Variants in PTPN9 observed in about 807,000 individuals in gnomAD.
PTPN9 encodes the protein protein tyrosine phosphatase non-receptor type 9.
In PTPN9, 26 loss-of-function variants were observed where a neutral mutation model predicts 69.8. The ratio of observed to expected loss-of-function variants is 0.37; its 90% CI spans 0.27 to 0.52. PTPN9 has a LOEUF of 0.52. PTPN9 is among the 20% of genes least tolerant of loss of function. PTPN9 has a pLI of 0.91. For missense variants in PTPN9, 549 were observed against 740.3 expected (o/e 0.74, Z 3.00); for synonymous variants, 274 against 272.5 (o/e 1.01, Z -0.05).
chr15:75,560,345 C>T (rs1015620530), intron 1 of PTPN9, among the ~76,000 whole-genome samples: 1 of 152,126 alleles, frequency 6.6e-6, no homozygotes, highest in African/African-American at 2.4e-5. Flanking sequence ...GGCTACACCA[C>T]TTCTAAGTCC....
At chr15:75,473,811 CT>C (rs1350069826) in intron 9 of PTPN9, 44 bp from the exon 10 acceptor site, 1 of 1,466,054 alleles carries the variant, frequency 6.8e-7, no homozygotes, top group Non-Finnish European at 9.5e-7. Context: ...CTGGGAAACA[CT>C]TTTTTTCTTT....
chr15:75,534,082 C>T (rs913173103), intron 1 of PTPN9, among the ~76,000 whole-genome samples: 1 of 152,182 alleles, frequency 6.6e-6, no homozygotes, highest in Non-Finnish European at 1.5e-5. Context: ...ACCAATCCAT[C>T]TTCTTATTCA....
chr15:75,551,729 G>A (rs1212461123), intron 1 of PTPN9, among the ~76,000 whole-genome samples: 6 of 152,042 alleles, frequency 3.9e-5, no homozygotes, highest in Non-Finnish European at 5.9e-5. Flanking sequence ...AATTTATGAT[G>A]GTCTGACTTA....
chr15:75,488,006 C>G (rs547978357), intron 8 of PTPN9, among the ~76,000 whole-genome samples: 1 of 152,298 alleles, frequency 6.6e-6, no homozygotes, highest in South Asian at 2.1e-4. Context: ...ACTTTGCCGG[C>G]GCAGTGGCTC....
rs564059541 is a variant in PTPN9 at position 75,512,395 on chromosome 15, G to A, written c.529-3368C>T. Reference sequence around the variant, plus strand: ...TTTTGTACAGTCAGGGTCTTGCTACGTGGCCTAGACTGGTCCTGAACTCCT... The same window carrying A: ...TTTTGTACAGTCAGGGTCTTGCTACATGGCCTAGACTGGTCCTGAACTCCT... On this transcript the variant is annotated intron_variant, in intron 5 of 12. Transcript: ENST00000618819. Among the ~76,000 whole-genome samples the A allele has an allele frequency of 2.7e-3, 410 of 152,042 alleles. 6 individuals are homozygous for A. Among genetic ancestry groups the A allele is most frequent in the South Asian group, 0.012 (59 of 4,810 alleles).
intron 7 of PTPN9, among the ~76,000 whole-genome samples, chr15:75,502,670 C>CT: frequency 6.6e-6 from 1 of 152,160 alleles, no homozygotes; most frequent in South Asian, 2.1e-4. Context: ...GGCAACTGTA[C>CT]TCTCTGACTG....
At chr15:75,550,162 TGGTAG>T (rs1567518045) in intron 1 of PTPN9, among the ~76,000 whole-genome samples, 2 of 149,056 alleles carry the variant, frequency 1.3e-5, no homozygotes, top group Admixed American at 6.7e-5. Flanking sequence ...TAAACCCCTG[TGGTAG>T]TTTTTTTTTT....
intron 11 of PTPN9, among the ~76,000 whole-genome samples, chr15:75,470,440 G>A (rs2074557997): frequency 6.6e-6 from 1 of 152,208 alleles, no homozygotes; most frequent in African/African-American, 2.4e-5. Context: ...ATAGGCCTAA[G>A]CCATTGCACC....
At chr15:75,481,884 G>A (rs1216970179) in intron 8 of PTPN9, among the ~76,000 whole-genome samples, 1 of 146,614 alleles carries the variant, frequency 6.8e-6, no homozygotes, top group African/African-American at 2.5e-5. Flanking sequence ...AGGTGAGGGG[G>A]CGCCTCTGCC....
At chr15:75,531,797 G>A (rs1251995612) in intron 1 of PTPN9, among the ~76,000 whole-genome samples, 1 of 151,588 alleles carries the variant, frequency 6.6e-6, no homozygotes, top group Non-Finnish European at 1.5e-5. Context: ...CTCACCTCGT[G>A]ATCCACCTGC....
intron 3 of PTPN9, among the ~76,000 whole-genome samples, 197 bp downstream of exon 3, chr15:75,524,012 G>A (rs866491661): frequency 6.6e-6 from 1 of 150,922 alleles, no homozygotes; most frequent in African/African-American, 2.4e-5. Flanking sequence ...GCTAAATGAC[G>A]AGTTAATGGG....
At chr15:75,488,409 G>A (rs941983365) in intron 8 of PTPN9, among the ~76,000 whole-genome samples, 2 of 151,464 alleles carry the variant, frequency 1.3e-5, no homozygotes, top group Admixed American at 6.6e-5. Flanking sequence ...AATAAAATTG[G>A]TATATCAGAA....
Position 75,550,167 on chromosome 15 carries a change from GT to G in PTPN9, c.64-22907del, listed in dbSNP as rs754056439. On this transcript the variant is annotated intron_variant, in intron 1 of 12. Transcript: ENST00000618819. ...GGCAGCCTGATAAACCCCTGTGGTA[GT>G]TTTTTTTTTTTTTTTGAGACAGAGT... Among the ~76,000 whole-genome samples, 255 of 138,380 alleles carry G rather than the reference GT, an allele frequency of 1.8e-3. 1 individual carries two copies. The highest frequency in any genetic ancestry group is 3.7e-3 in the African/African-American group (140 of 38,302). 90.8% of individuals were successfully genotyped at this position (138,380 alleles called of 152,430 possible). A position where few individuals can be genotyped will look rare whatever the true frequency, so the allele number is the denominator to read the frequency against.
chr15:75,521,715 A>G (rs74576954), intron 4 of PTPN9, among the ~76,000 whole-genome samples: 1,525 of 152,276 alleles, frequency 0.01, 18 homozygotes, highest in Middle Eastern at 0.034. Context: ...AGTCTCAAAA[A>G]ACAAAAAAGA....
chr15:75,545,678 G>A (rs2075029248), intron 1 of PTPN9, among the ~76,000 whole-genome samples: 1 of 152,216 alleles, frequency 6.6e-6, no homozygotes, highest in African/African-American at 2.4e-5. Context: ...GGTGGCTCAT[G>A]CCTGTAATCC....
intron 1 of PTPN9, among the ~76,000 whole-genome samples, chr15:75,577,771 ATTTTT>A (rs949819324): frequency 6.6e-6 from 1 of 151,780 alleles, no homozygotes; most frequent in African/African-American, 2.4e-5. Context: ...GTTTATTTTT[ATTTTT>A]TTTATTTATA....
Position 75,578,797 on chromosome 15 carries a change from GC to G in PTPN9, c.-22del. The G allele has an allele frequency of 8.1e-7, 1 of 1,229,494 alleles. No individual in the cohort carries two copies. The allele number at this position is 1,229,494 out of a possible 1,614,324, so 76.2% of individuals were successfully genotyped here. On this transcript the variant is annotated 5_prime_UTR_variant, in exon 1 of 13. Coordinates refer to ENST00000618819, the MANE Select transcript of PTPN9 (RefSeq NM_002833.4). ...TCCATCCCCCCGCCACCGCCGCCGG[GC>G]GGACAAAACTCGCTCGCGAGCGCGG...
At chr15:75,529,889 G>A (rs8024244) in intron 1 of PTPN9, among the ~76,000 whole-genome samples, 49,216 of 151,266 alleles carry the variant, frequency 0.33, 8,899 homozygotes, top group Middle Eastern at 0.48. Flanking sequence ...CAGCCTGGGT[G>A]ACAGAGCAAG....
At chr15:75,557,224 A>G (rs147904193) in intron 1 of PTPN9, among the ~76,000 whole-genome samples, 5 of 152,270 alleles carry the variant, frequency 3.3e-5, no homozygotes, top group Middle Eastern at 3.4e-3. Flanking sequence ...CAGGAGTTCG[A>G]GACCAGCCTG....
Sources: allele counts gnomAD v4.1 joint callset (sites outside exome capture counted in the v4.1 genomes callset), GRCh38; gene constraint gnomAD v4.1.1; transcripts MANE v1.5; gene names NCBI Gene and HGNC (gene_info 2026-07-23, HGNC 2026-07-21).